Variants in ASAP1 observed in about 807,000 individuals in gnomAD.
ASAP1 encodes arf-GAP with SH3 domain, ANK repeat and PH domain-containing protein 1.
In ASAP1, 43 loss-of-function variants were observed where a neutral mutation model predicts 145.2. That is an observed-to-expected ratio of 0.30 (90% CI 0.23 to 0.38). ASAP1 has a LOEUF of 0.38. ASAP1 is among the 10% of genes least tolerant of loss of function. The pLI is 1.00. For missense variants in ASAP1, 1,018 were observed against 1,355.3 expected (o/e 0.75, Z 3.91); for synonymous variants, 546 against 515.5 (o/e 1.06, Z -0.80).
chr8:130,086,678 C>T (rs143889634), intron 25 of ASAP1, among the ~76,000 whole-genome samples: 10 of 152,254 alleles, frequency 6.6e-5, no homozygotes, highest in African/African-American at 2.4e-4. Flanking sequence ...GTGGTGCACA[C>T]CTGTAGTCCC....
rs753037262 is a variant in ASAP1, at chr8:130,116,770, G to A, written c.1997-25C>T. 7 of 1,609,298 alleles carry A rather than the reference G, an allele frequency of 4.3e-6. No homozygotes were observed. The Admixed American group carries it at 1.2e-4, about 27-fold the overall frequency. ...ACTGAAATAGGAAAAAAATTAATTT[G>A]CATAATTATCTAGGAAACACCTTAA... On this transcript the variant is annotated intron_variant, in intron 21 of 29. Coordinates refer to ENST00000518721, the MANE Select transcript of ASAP1 (RefSeq NM_018482.4).
intron 2 of ASAP1, among the ~76,000 whole-genome samples, chr8:130,363,561 A>G (rs1477379725): frequency 1.3e-5 from 2 of 152,226 alleles, no homozygotes; most frequent in Non-Finnish European, 2.9e-5. Context: ...GGGGTATAGA[A>G]TATGACTTTC....
At chr8:130,273,438 C>G (rs546440274) in intron 3 of ASAP1, among the ~76,000 whole-genome samples, 1 of 152,236 alleles carries the variant, frequency 6.6e-6, no homozygotes, top group South Asian at 2.1e-4. Context: ...GAGGCATCAG[C>G]AAGGAACTGC....
intron 15 of ASAP1, 53 bp downstream of exon 15, chr8:130,134,243 G>A: frequency 7.3e-7 from 1 of 1,365,640 alleles, no homozygotes; most frequent in Non-Finnish European, 1.0e-6. Flanking sequence ...ATTGTAAACA[G>A]AGAGGTGCTT....
chr8:130,384,001 C>T (rs180804790), intron 2 of ASAP1, among the ~76,000 whole-genome samples: 53 of 152,292 alleles, frequency 3.5e-4, no homozygotes, highest in African/African-American at 1.3e-3. Context: ...GTGAAGACTG[C>T]CCTTTGTAAC....
intron 13 of ASAP1, among the ~76,000 whole-genome samples, chr8:130,138,663 CCT>C (rs1016368242): frequency 5.3e-5 from 8 of 151,886 alleles, no homozygotes; most frequent in Non-Finnish European, 1.2e-4. Flanking sequence ...ATGGAGAAAC[CCT>C]GTCTCTACTA....
chr8:130,391,921 C>G (rs1209425674), intron 2 of ASAP1, among the ~76,000 whole-genome samples: 1 of 152,216 alleles, frequency 6.6e-6, no homozygotes, highest in African/African-American at 2.4e-5. Context: ...AAAGGCTTCA[C>G]CCTGTGGGTT....
intron 7 of ASAP1, among the ~76,000 whole-genome samples, chr8:130,181,681 G>A (rs1814367308): frequency 6.6e-6 from 1 of 152,128 alleles, no homozygotes; most frequent in South Asian, 2.1e-4. Context: ...AGGGGGCCAG[G>A]GGAAACGAGG....
chr8:130,152,710 C>T lies in ASAP1; in HGVS notation c.1080+26G>A, dbSNP rs182071327. ...CGTGTTTGCTTTCTGGCCCATGAGG[C>T]AGGGTAAATTAAGAAACATACTTAC... is the stretch of plus-strand genomic sequence containing the variant. On this transcript the variant is annotated intron_variant, in intron 13 of 29. Transcript: ENST00000518721. The T allele has an allele frequency of 1.6e-3, 2,570 of 1,576,280 alleles. 73 individuals are homozygous for T. The Admixed American group carries it at 0.04, about 25-fold the overall frequency.
chr8:130,139,001 C>T (rs775941852), intron 13 of ASAP1, among the ~76,000 whole-genome samples: 7 of 152,136 alleles, frequency 4.6e-5, no homozygotes, highest in Non-Finnish European at 8.8e-5. Flanking sequence ...CTGACTTTCT[C>T]ATATAAATGA....
At chr8:130,119,757 C>T (rs1249207776) in intron 18 of ASAP1, among the ~76,000 whole-genome samples, 1 of 151,886 alleles carries the variant, frequency 6.6e-6, no homozygotes, top group African/African-American at 2.4e-5. Context: ...TACAGCACCC[C>T]AGCTGTGTGA....
chr8:130,210,951 C>A (rs1251836403), intron 5 of ASAP1, among the ~76,000 whole-genome samples: 1 of 152,038 alleles, frequency 6.6e-6, no homozygotes, highest in Non-Finnish European at 1.5e-5. Flanking sequence ...TCAATGAAAC[C>A]CTGCCACTAC....
chr8:130,272,899 C>G (rs1436355787), intron 3 of ASAP1, among the ~76,000 whole-genome samples: 1 of 152,012 alleles, frequency 6.6e-6, no homozygotes, highest in Non-Finnish European at 1.5e-5. Context: ...TACAAACATA[C>G]AATTAGAGGG....
At chr8:130,284,138 A>C (rs1821446081) in intron 3 of ASAP1, among the ~76,000 whole-genome samples, 1 of 152,206 alleles carries the variant, frequency 6.6e-6, no homozygotes, top group Admixed American at 6.5e-5. Flanking sequence ...GAAGAGATTA[A>C]AATGGCCAAC....
intron 3 of ASAP1, among the ~76,000 whole-genome samples, chr8:130,281,790 G>GGC (rs1202030109): frequency 6.6e-6 from 1 of 152,186 alleles, no homozygotes; most frequent in African/African-American, 2.4e-5. Flanking sequence ...ATGGAGGCTG[G>GGC]GCGCGGTGGC....
At chr8:130,244,033 T>A (rs1818701932) in intron 3 of ASAP1, among the ~76,000 whole-genome samples, 1 of 152,130 alleles carries the variant, frequency 6.6e-6, no homozygotes, top group Admixed American at 6.5e-5. Context: ...TGATGACCTA[T>A]TAAATTCATT....
intron 1 of ASAP1, among the ~76,000 whole-genome samples, chr8:130,430,805 A>G (rs987529628): frequency 1.3e-5 from 2 of 152,236 alleles, no homozygotes; most frequent in Non-Finnish European, 2.9e-5. Context: ...AATGAGTGAC[A>G]GGCGTGAAGG....
At chr8:130,088,816 G>A (rs1357896706) in intron 25 of ASAP1, among the ~76,000 whole-genome samples, 2 of 152,154 alleles carry the variant, frequency 1.3e-5, no homozygotes, top group East Asian at 1.9e-4. Flanking sequence ...GGTTTTGGTT[G>A]CTTTTTATGT....
chr8:130,106,625 G>T (rs190727372), intron 24 of ASAP1, among the ~76,000 whole-genome samples: 18 of 152,292 alleles, frequency 1.2e-4, no homozygotes, highest in Non-Finnish European at 1.6e-4. Flanking sequence ...CCTATTTCTG[G>T]GACATGCTTT....
Sources: gnomAD v4.1 joint callset for allele counts (sites outside exome capture counted in the v4.1 genomes callset) on GRCh38, gnomAD v4.1.1 for gene constraint, MANE v1.5 for transcripts, NCBI Gene and HGNC (gene_info 2026-07-23, HGNC 2026-07-21) for gene names.